Variants in USP43 observed in about 807,000 individuals in gnomAD.
The protein encoded by USP43 is ubiquitin specific peptidase 43, also known as ubiquitin carboxyl-terminal hydrolase 43.
In USP43, 33 loss-of-function variants were observed where a neutral mutation model predicts 90.7. The observed-to-expected ratio is 0.36, with a 90% CI of 0.28 to 0.49. The LOEUF is 0.49. Ranked by LOEUF, USP43 falls within the 20% of genes least tolerant of loss-of-function variation. The pLI is 0.98. For missense variants in USP43, 1,274 were observed against 1,476.4 expected (o/e 0.86, Z 2.25); for synonymous variants, 598 against 615.8 (o/e 0.97, Z 0.43).
rs1053701219 is a variant in USP43, at chr17:9,683,823, A to C, written c.1241+865A>C. Among the ~76,000 whole-genome samples, 54 of 152,282 alleles carry C rather than the reference A, an allele frequency of 3.5e-4. 1 individual carries two copies. The highest frequency in any genetic ancestry group is 1.3e-3 in the African/African-American group (54 of 41,556). On this transcript the variant is annotated intron_variant, in intron 7 of 14. Transcript: ENST00000285199. ...AAATAGTCAACTTTTTACTCCTGCT[A>C]TGAATTCACACGTATAAATTTCAGG...
At position 9,701,363 on chromosome 17, in the gene USP43, T is replaced by C. The variant is rs758066864; in HGVS notation, c.1674T>C (p.Asp558=). ...GGTTTGCTTTCCAGCTGGCCCAGGATGACGCCTGGAAGTGTCCTCACTGCC... is the reference window on the plus strand; with the variant it reads ...GGTTTGCTTTCCAGCTGGCCCAGGACGACGCCTGGAAGTGTCCTCACTGCC... ...FYTKEEQLAQ[D]DAWKCPHCQV... Residue 558 remains aspartate, a synonymous_variant, in exon 12 of 15, where the codon GAT becomes GAC. Coordinates refer to ENST00000285199, the MANE Select transcript of USP43 (RefSeq NM_153210.5). This position sits in a 1 kb window ranked among gnomAD's most constrained non-coding sequence, Gnocchi z 7.2. 1 of 1,597,406 alleles carries C rather than the reference T, an allele frequency of 6.3e-7. No individual in the cohort carries two copies. The highest frequency in any genetic ancestry group is 8.5e-7 in the Non-Finnish European group (1 of 1,172,134).
Position 9,701,824 on chromosome 17 carries a change from C to A in USP43, c.2011+124C>A. Reference sequence around the variant, plus strand: ...TTATTGAGATCCGACCCCTCACCCACCGCACACCAGGAAGATGAGGATGAG... The same window carrying A: ...TTATTGAGATCCGACCCCTCACCCAACGCACACCAGGAAGATGAGGATGAG... On this transcript the variant is annotated intron_variant, in intron 12 of 14. Transcript: ENST00000285199. The surrounding 1 kb of genome is among the most constrained non-coding windows in gnomAD (Gnocchi z 7.2). 1 of 794,918 alleles carries A rather than the reference C, an allele frequency of 1.3e-6. No individual in the cohort carries two copies. The highest frequency in any genetic ancestry group is 1.9e-6 in the Non-Finnish European group (1 of 522,300). 49.2% of individuals were successfully genotyped at this position (794,918 alleles called of 1,614,324 possible). A position where few individuals can be genotyped will look rare whatever the true frequency, so the allele number is the denominator to read the frequency against.
chr17:9,660,392 G>A (rs148142013), intron 2 of USP43, among the ~76,000 whole-genome samples: 4 of 152,036 alleles, frequency 2.6e-5, no homozygotes, highest in East Asian at 1.9e-4. Context: ...CTCGTGATCC[G>A]CCTGCCTTGG....
At chr17:9,717,034 G>A (rs777204820) in intron 14 of USP43, among the ~76,000 whole-genome samples, 20 of 151,966 alleles carry the variant, frequency 1.3e-4, no homozygotes, top group Non-Finnish European at 2.5e-4. Context: ...TACTCAGGAG[G>A]CTGAGGCAGG....
In USP43 at chr17:9,727,192, G is replaced by A. The variant is rs933837251; in HGVS notation, c.2336-762G>A. ...TCACCATGTTGGTCAGGCTGGTCTCGAACTCCTGACCTTGTGACCCACCTG... is the reference window on the plus strand; with the variant it reads ...TCACCATGTTGGTCAGGCTGGTCTCAAACTCCTGACCTTGTGACCCACCTG... On this transcript the variant is annotated intron_variant, in intron 14 of 14. Coordinates refer to ENST00000285199, the MANE Select transcript of USP43 (RefSeq NM_153210.5). Among the ~76,000 whole-genome samples the A allele has an allele frequency of 2.0e-5, 3 of 152,010 alleles. No individual in the cohort carries two copies. The South Asian group carries it at 6.2e-4, about 32-fold the overall frequency.
rs377176641 is a variant in USP43 at position 9,727,980 on chromosome 17, C to T, written c.2362C>T (p.Arg788Trp). ...AGGGTTGGAGCCCAGGCGTTTGGTA[C>T]GGGGCGTGAAAGGCAGAAGCATTAG... Reference protein sequence around the residue: ...KGGLEPRRLVRGVKGRSISMK... With the variant: ...KGGLEPRRLVWGVKGRSISMK... Residue 788 changes from arginine (R) to tryptophan (W), a missense_variant, in exon 15 of 15, where the codon CGG (arginine) becomes TGG (tryptophan). Arg to Trp is a moderately radical substitution (Grantham distance 101). Around this residue, in one of 6 missense-constraint regions of USP43, gnomAD observed 285 missense variants for 349.6 expected, o/e 0.82. Transcript: ENST00000285199. 1.6e-5 allele frequency: 26 copies of T among 1,609,010 alleles called. No individual in the cohort carries two copies. Among genetic ancestry groups the T allele is most frequent in the Admixed American group, 1.0e-4 (6 of 59,822 alleles).
intron 1 of USP43, among the ~76,000 whole-genome samples, chr17:9,650,222 C>A (rs555260306): frequency 6.6e-6 from 1 of 152,296 alleles, no homozygotes; most frequent in South Asian, 2.1e-4. Flanking sequence ...AATGGAATTA[C>A]ATAGTCAAAG....
chr17:9,665,955 A>G (rs902643041), intron 2 of USP43, among the ~76,000 whole-genome samples: 2 of 152,114 alleles, frequency 1.3e-5, no homozygotes, highest in African/African-American at 4.8e-5. Flanking sequence ...CCCTGCCAAC[A>G]CCTTGATTTC....
intron 9 of USP43, among the ~76,000 whole-genome samples, chr17:9,693,845 A>T (rs1050170290): frequency 6.6e-5 from 10 of 152,152 alleles, no homozygotes; most frequent in African/African-American, 2.4e-4. Context: ...CTCAAAAAAC[A>T]AAAACAAAAA....
intron 14 of USP43, among the ~76,000 whole-genome samples, chr17:9,718,775 G>T (rs1175512828): frequency 6.6e-6 from 1 of 151,918 alleles, no homozygotes; most frequent in Non-Finnish European, 1.5e-5. Flanking sequence ...GGGAGACGGA[G>T]GTTGTGGTGA....
In USP43 at chr17:9,711,955, G is replaced by GTT; in HGVS notation, c.2171-11_2171-10dup. 6.3e-7 allele frequency: 1 copy of GTT among 1,584,258 alleles called. No homozygotes were observed. Among genetic ancestry groups the GTT allele is most frequent in the East Asian group, 2.3e-5 (1 of 43,908 alleles). On this transcript the variant is annotated splice_polypyrimidine_tract_variant and intron_variant, in intron 13 of 14. Coordinates refer to ENST00000285199, the MANE Select transcript of USP43 (RefSeq NM_153210.5). ...GGTTGGGCTCAGCCTCCCTCTCTGT[G>GTT]TTTCCTCCACAGGCTCTACCAGCTC...
intron 10 of USP43, among the ~76,000 whole-genome samples, chr17:9,700,818 G>A (rs181995258): frequency 6.6e-6 from 1 of 152,318 alleles, no homozygotes; most frequent in African/African-American, 2.4e-5. Flanking sequence ...AAAGGATGTC[G>A]TTCAGTCCAG....
In USP43 at chr17:9,728,115, G is replaced by T; in HGVS notation, c.2497G>T (p.Val833Leu). ...ACCACCAGGTGCCTCCGTCGAGTTG[G>T]TGGAGTACTTGGAATCCAGACGAAG... is the stretch of plus-strand genomic sequence containing the variant. ...EKPPGASVEL[V>L]EYLESRRRPR... Residue 833 changes from valine (V) to leucine (L), a missense_variant, in exon 15 of 15, where the codon GTG becomes TTG. Transcript: ENST00000285199. The surrounding 1 kb of genome is among the most constrained non-coding windows in gnomAD (Gnocchi z 6.2). The T allele has an allele frequency of 6.2e-7, 1 of 1,613,966 alleles. No individual in the cohort carries two copies. Among genetic ancestry groups the T allele is most frequent in the Non-Finnish European group, 8.5e-7 (1 of 1,179,890 alleles).
intron 6 of USP43, among the ~76,000 whole-genome samples, chr17:9,681,194 A>ATATTATATAG (rs1461930713): frequency 4.0e-5 from 4 of 99,650 alleles, no homozygotes; most frequent in African/African-American, 1.8e-4. Context: ...ACTATATAAT[A>ATATTATATAG]TATACTATAT....
intron 2 of USP43, among the ~76,000 whole-genome samples, chr17:9,659,194 A>G (rs761400504): frequency 2.6e-5 from 4 of 152,218 alleles, no homozygotes; most frequent in Non-Finnish European, 4.4e-5. Flanking sequence ...TCAGAAGGAT[A>G]TATTTTTTAA....
chr17:9,677,842 T>C lies in USP43; in HGVS notation c.969+961T>C, dbSNP rs79678558. Among the ~76,000 whole-genome samples the C allele has an allele frequency of 2.0e-5, 3 of 152,204 alleles. No individual in the cohort carries two copies. In the East Asian group the frequency reaches 5.8e-4, roughly 29 times the overall value. ...TGAAGATTGTGGTTTGCTGGCTTTC[T>C]CTACGTTCATAGCTACATTCCTATA... On this transcript the variant is annotated intron_variant, in intron 5 of 14. Coordinates refer to ENST00000285199, the MANE Select transcript of USP43 (RefSeq NM_153210.5).
chr17:9,689,930 G>A (rs1005637598), intron 8 of USP43, among the ~76,000 whole-genome samples: 1 of 152,118 alleles, frequency 6.6e-6, no homozygotes, highest in African/African-American at 2.4e-5. Context: ...CCCTTCCGTG[G>A]CCAACCCTCA....
At chr17:9,707,415 G>A (rs1365955496) in intron 12 of USP43, among the ~76,000 whole-genome samples, 1 of 152,084 alleles carries the variant, frequency 6.6e-6, no homozygotes, top group African/African-American at 2.4e-5. Context: ...GGGAGGCCGA[G>A]GTGGGCGGAC....
intron 14 of USP43, among the ~76,000 whole-genome samples, chr17:9,719,286 T>C (rs1249789488): frequency 1.3e-5 from 2 of 152,186 alleles, no homozygotes; most frequent in Non-Finnish European, 2.9e-5. Context: ...ATGTGCTTGA[T>C]ATCCTCCCAG....
Sources: gnomAD v4.1 joint callset for allele counts (sites outside exome capture counted in the v4.1 genomes callset) on GRCh38, gnomAD v4.1.1 for gene constraint, gnomAD v4.1.1 regional missense constraint, Gnocchi (gnomAD v3.1) non-coding constraint, MANE v1.5 for transcripts, NCBI Gene and HGNC (gene_info 2026-07-23, HGNC 2026-07-21) for gene names.